Variants in IP6K3 observed in about 807,000 individuals in gnomAD.
The protein encoded by IP6K3 is ATP:1D-myo-inositol-hexakisphosphate phosphotransferase.
In IP6K3, 20 loss-of-function variants were observed where a neutral mutation model predicts 28.8. The observed-to-expected ratio is 0.70, with a 90% CI of 0.49 to 1.01. The LOEUF (loss-of-function observed/expected upper bound fraction) is 1.01. Ranked by LOEUF, IP6K3 falls within the 50% of genes least tolerant of loss-of-function variation. The pLI, the probability that IP6K3 is intolerant of heterozygous loss-of-function variation, is 0.00. For synonymous variants in IP6K3, 213 were observed against 221.3 expected (o/e 0.96, Z 0.33); for missense variants, 480 against 537.1 (o/e 0.89, Z 1.05).
At chr6:33,761,239 A>G in the IP6K3 span, among the ~76,000 whole-genome samples, 1 of 151,606 alleles carries the variant, frequency 6.6e-6, no homozygotes, top group South Asian at 2.1e-4. Context: ...GAGGTGGGGG[A>G]CATCAGCTTC....
chr6:33,735,731 C>G, intron 1 of IP6K3, 76 bp from the exon 2 acceptor site: 1 of 722,738 alleles, frequency 1.4e-6, no homozygotes, highest in Non-Finnish European at 2.2e-6. Flanking sequence ...TGGAAGGGCC[C>G]ACACAGCCTC....
upstream of IP6K3, among the ~76,000 whole-genome samples, chr6:33,751,106 G>A (rs1227281863): frequency 1.3e-5 from 2 of 152,292 alleles, no homozygotes; most frequent in Admixed American, 6.5e-5. This position sits in a 1 kb window ranked among gnomAD's most constrained non-coding sequence, Gnocchi z 4.3. Context: ...CCCTGAGAGA[G>A]GTCACTGTCC....
At chr6:33,737,295 TCCTGAGAGCACATTCCCACAGCGGTGC>T (rs531331640) in intron 1 of IP6K3, among the ~76,000 whole-genome samples, 12,630 of 151,306 alleles carry the variant, frequency 0.083, 801 homozygotes, top group African/African-American at 0.16. Flanking sequence ...GTTCGTCCTG[TCCTGAGAGCACATTCCCACAGCGGTGC>T]CCTGAGAGCA....
chr6:33,734,084 T>A (rs1766417779), intron 2 of IP6K3, among the ~76,000 whole-genome samples: 1 of 151,198 alleles, frequency 6.6e-6, no homozygotes, highest in Non-Finnish European at 1.5e-5. Context: ...GCGCCTGTAA[T>A]CCCAGTTACT....
At chr6:33,754,435 C>A in the IP6K3 span, among the ~76,000 whole-genome samples, 1 of 152,146 alleles carries the variant, frequency 6.6e-6, no homozygotes, top group Non-Finnish European at 1.5e-5. Flanking sequence ...TTCAGGGCCG[C>A]TAAAGTAATT....
Position 33,734,918 on chromosome 6 carries a change from A to G in IP6K3, c.199+360T>C, listed in dbSNP as rs186065541. 4.1e-3 allele frequency among the ~76,000 whole-genome samples: 622 copies of G among 152,218 alleles called. 10 individuals are homozygous for G. The highest frequency in any genetic ancestry group is 1.2e-3 in the Non-Finnish European group (81 of 68,014). On this transcript the variant is annotated intron_variant, in intron 2 of 5. Transcript: ENST00000293756. ...TTCAGAGGGAGGTTAAGGAGGCCCC[A>G]TTTTGCCCTGTGTTTACAGCCAGCA...
chr6:33,726,978 G>T, intron 3 of IP6K3, 72 bp from the exon 4 acceptor site: 1 of 1,447,236 alleles, frequency 6.9e-7, no homozygotes, highest in Non-Finnish European at 9.3e-7. Flanking sequence ...GTGGCTGACT[G>T]GGCTCTCTGA....
chr6:33,747,547 A>T (rs11759971), upstream of IP6K3, among the ~76,000 whole-genome samples: 26,392 of 151,932 alleles, frequency 0.17, 2,605 homozygotes, highest in Admixed American at 0.26. This position sits in a 1 kb window ranked among gnomAD's most constrained non-coding sequence, Gnocchi z 5.2. Flanking sequence ...ATCCTGGAGG[A>T]GCTGACCGGC....
At chr6:33,732,850 G>A (rs1452043148) in intron 2 of IP6K3, among the ~76,000 whole-genome samples, 5 of 152,174 alleles carry the variant, frequency 3.3e-5, no homozygotes, top group South Asian at 2.1e-4. Flanking sequence ...CCCTTTCAGG[G>A]ACTCTTCCCA....
chr6:33,758,205 T>G, the IP6K3 span, among the ~76,000 whole-genome samples: 1 of 152,208 alleles, frequency 6.6e-6, no homozygotes, highest in Non-Finnish European at 1.5e-5. Flanking sequence ...GGGGATAAAC[T>G]GATGAAGATG....
intron 2 of IP6K3, among the ~76,000 whole-genome samples, chr6:33,729,782 C>T (rs563103984): frequency 4.5e-4 from 69 of 151,892 alleles, no homozygotes; most frequent in Non-Finnish European, 8.1e-4. Flanking sequence ...GGCGCAATCT[C>T]GGCTCACTGC....
the IP6K3 span, among the ~76,000 whole-genome samples, chr6:33,758,789 A>G: frequency 6.6e-6 from 1 of 152,098 alleles, no homozygotes; most frequent in African/African-American, 2.4e-5. Flanking sequence ...AGTAGAGACG[A>G]TGTTTCACCA....
At chr6:33,750,438 T>C (rs1031343728), upstream of IP6K3, among the ~76,000 whole-genome samples, 3 of 152,162 alleles carry the variant, frequency 2.0e-5, no homozygotes, top group African/African-American at 7.2e-5. The surrounding 1 kb of genome is among the most constrained non-coding windows in gnomAD (Gnocchi z 4.3). Context: ...AGATGCCAGC[T>C]CCAGCTCCAG....
upstream of IP6K3, among the ~76,000 whole-genome samples, chr6:33,750,842 G>T (rs1305022140): frequency 1.3e-5 from 2 of 152,060 alleles, no homozygotes; most frequent in Non-Finnish European, 1.5e-5. The surrounding 1 kb of genome is among the most constrained non-coding windows in gnomAD (Gnocchi z 4.3). Context: ...CTCCTCAACA[G>T]CTGCCCCTGT....
upstream of IP6K3, among the ~76,000 whole-genome samples, chr6:33,748,254 G>A (rs1766965677): frequency 6.6e-6 from 1 of 152,120 alleles, no homozygotes; most frequent in African/African-American, 2.4e-5. Context: ...CTCCAGACCT[G>A]TTGGTGTAGT....
chr6:33,756,386 A>G, the IP6K3 span, among the ~76,000 whole-genome samples: 1 of 152,110 alleles, frequency 6.6e-6, no homozygotes, highest in Non-Finnish European at 1.5e-5. Flanking sequence ...TGCAAGTGCA[A>G]AGGCCCAGGG....
At chr6:33,738,879 T>G (rs1582221243) in intron 1 of IP6K3, among the ~76,000 whole-genome samples, 1 of 152,296 alleles carries the variant, frequency 6.6e-6, no homozygotes, top group East Asian at 1.9e-4. Context: ...TCCCACTTGA[T>G]GACATTCAGT....
Position 33,725,493 on chromosome 6 carries a change from T to A in IP6K3, c.713A>T (p.Lys238Met), listed in dbSNP as rs769619593. The A allele has an allele frequency of 1.3e-5, 21 of 1,613,822 alleles. No individual in the cohort carries two copies. Among genetic ancestry groups the A allele is most frequent in the Non-Finnish European group, 1.8e-5 (21 of 1,180,024 alleles). Residue 238 changes from lysine (K) to methionine (M), a missense_variant, in exon 5 of 6, where the codon AAG becomes ATG. Lys to Met is a moderately conservative substitution (Grantham distance 95, BLOSUM62 -1). Transcript: ENST00000293756. The part of the protein sequence containing the change: ...SEEKKARHMR[K>M]CAQSTSACLG... ...GCAGGCTGAGGTGCTCTGCGCACAC[T>A]TCCTCATGTGGCGGGCCTTCTTCTC...
At chr6:33,759,038 G>T in the IP6K3 span, among the ~76,000 whole-genome samples, 2 of 152,368 alleles carry the variant, frequency 1.3e-5, no homozygotes, top group African/African-American at 2.4e-5. Context: ...GAGGCAGGAT[G>T]GGGGAGGAGG....
Sources: allele counts gnomAD v4.1 joint callset (sites outside exome capture counted in the v4.1 genomes callset), GRCh38; gene constraint gnomAD v4.1.1; non-coding constraint Gnocchi (gnomAD v3.1); transcripts MANE v1.5; gene names NCBI Gene and HGNC (gene_info 2026-07-23, HGNC 2026-07-21).